Variants in CRB1 observed in about 807,000 individuals in gnomAD.
CRB1 encodes the protein crumbs cell polarity complex component 1.
CRB1 carries 83 observed loss-of-function variants against 120.0 expected under a neutral mutation model. That is an observed-to-expected ratio of 0.69 (90% CI 0.58 to 0.83). The LOEUF is 0.83. CRB1 is among the 40% of genes least tolerant of loss of function. CRB1 has a pLI of 0.00. For synonymous variants in CRB1, 625 were observed against 612.5 expected (o/e 1.02, Z -0.30); for missense variants, 1,699 against 1,687.6 (o/e 1.01, Z -0.12).
At chr1:197,295,282 G>A (rs946231725) in intron 1 of CRB1, among the ~76,000 whole-genome samples, 5 of 151,944 alleles carry the variant, frequency 3.3e-5, no homozygotes, top group African/African-American at 9.7e-5. Context: ...GTGCTGGATT[G>A]TGTCGTCAGG....
chr1:197,358,555 A>G (rs1342206221), intron 5 of CRB1, among the ~76,000 whole-genome samples: 1 of 152,216 alleles, frequency 6.6e-6, no homozygotes, highest in Non-Finnish European at 1.5e-5. Context: ...GGCTTAATGC[A>G]ATGGTTTATG....
chr1:197,466,360 A>G lies in CRB1; in HGVS notation c.4006-11304A>G, dbSNP rs373206542. 4.6e-5 allele frequency among the ~76,000 whole-genome samples: 7 copies of G among 152,316 alleles called. No homozygotes were observed. In the East Asian group the frequency reaches 9.7e-4, roughly 21 times the overall value. On this transcript the variant is annotated intron_variant, in intron 11 of 11. Transcript: ENST00000367400. ...AATTAAAGTACATGTGCTGCAAGTT[A>G]GGGGTTACTAGGGTATCTCATTATA...
intron 5 of CRB1, among the ~76,000 whole-genome samples, chr1:197,370,240 G>GA (rs56150133): frequency 1.3e-5 from 2 of 151,392 alleles, no homozygotes; most frequent in Admixed American, 6.6e-5. Flanking sequence ...ATAACACAAT[G>GA]AAAAAAAACC....
At chr1:197,231,521 T>G in the CRB1 span, among the ~76,000 whole-genome samples, 2 of 152,242 alleles carry the variant, frequency 1.3e-5, no homozygotes, top group African/African-American at 4.8e-5. Flanking sequence ...CAGGATTTGA[T>G]ACCCTGGCAA....
At chr1:197,401,985 A>G (rs1233880842) in intron 5 of CRB1, among the ~76,000 whole-genome samples, 1 of 151,724 alleles carries the variant, frequency 6.6e-6, no homozygotes, top group Non-Finnish European at 1.5e-5. Context: ...TAATATTTTT[A>G]TGTTTTCCTT....
chr1:197,242,586 T>G, the CRB1 span, among the ~76,000 whole-genome samples: 26 of 152,176 alleles, frequency 1.7e-4, no homozygotes, highest in Admixed American at 1.0e-3. Context: ...TGTCAGTATT[T>G]TATTGAGGAT....
chr1:197,312,475 A>G (rs771538564), intron 1 of CRB1, among the ~76,000 whole-genome samples: 5 of 152,212 alleles, frequency 3.3e-5, no homozygotes, highest in Non-Finnish European at 5.9e-5. Context: ...CCGAGCCATC[A>G]GGAGGCTGAG....
intron 5 of CRB1, among the ~76,000 whole-genome samples, chr1:197,412,263 G>A (rs1398686214): frequency 2.0e-5 from 3 of 152,138 alleles, no homozygotes; most frequent in Non-Finnish European, 4.4e-5. Flanking sequence ...ATTTATCCAA[G>A]TTCACTTATG....
At chr1:197,466,706 A>G (rs1281952769) in intron 11 of CRB1, among the ~76,000 whole-genome samples, 4 of 152,218 alleles carry the variant, frequency 2.6e-5, no homozygotes, top group African/African-American at 9.6e-5. Context: ...CCTCTGCTGA[A>G]GGGATATGTG....
chr1:197,453,371 A>T (rs1487269651), intron 11 of CRB1, among the ~76,000 whole-genome samples: 4 of 147,506 alleles, frequency 2.7e-5, no homozygotes, highest in Non-Finnish European at 6.0e-5. Flanking sequence ...TACATAATTA[A>T]ATTATATATA....
intron 1 of CRB1, among the ~76,000 whole-genome samples, chr1:197,305,232 G>C (rs1657094666): frequency 6.6e-6 from 1 of 151,986 alleles, no homozygotes; most frequent in East Asian, 1.9e-4. Flanking sequence ...AATAATTTAA[G>C]TTTCTTTCTA....
At chr1:197,453,576 GGAGA>G (rs71131760) in intron 11 of CRB1, among the ~76,000 whole-genome samples, 70 of 118,542 alleles carry the variant, frequency 5.9e-4, no homozygotes, top group African/African-American at 1.8e-3. Flanking sequence ...AGAGGGAGAG[GGAGA>G]GAGAGAGAGA....
At chr1:197,253,128 A>T in the CRB1 span, among the ~76,000 whole-genome samples, 61 of 152,144 alleles carry the variant, frequency 4.0e-4, no homozygotes, top group Non-Finnish European at 8.2e-4. Flanking sequence ...TGACATTTCC[A>T]TTCACAAAAT....
chr1:197,352,909 CT>C (rs1660188709), intron 4 of CRB1, among the ~76,000 whole-genome samples: 1 of 152,056 alleles, frequency 6.6e-6, no homozygotes. Context: ...AGTCAATTCC[CT>C]GGTTTATGTG....
At chr1:197,223,327 G>T in the CRB1 span, 3 of 594,468 alleles carry the variant, frequency 5.0e-6, no homozygotes, top group South Asian at 1.9e-5. Context: ...CATACATTGT[G>T]GTTTAAAGTA....
intron 1 of CRB1, among the ~76,000 whole-genome samples, chr1:197,286,865 A>G (rs1655855574): frequency 6.6e-6 from 1 of 151,894 alleles, no homozygotes; most frequent in Non-Finnish European, 1.5e-5. Context: ...TGGATATTTA[A>G]TTTGATTATT....
chr1:197,285,543 G>A (rs1427806266), intron 1 of CRB1, among the ~76,000 whole-genome samples: 1 of 151,886 alleles, frequency 6.6e-6, no homozygotes, highest in Non-Finnish European at 1.5e-5. Flanking sequence ...AGCTTAGGGA[G>A]TAGAATGGTA....
At chr1:197,474,570 C>T (rs114236750) in intron 11 of CRB1, among the ~76,000 whole-genome samples, 2,073 of 152,272 alleles carry the variant, frequency 0.014, 50 homozygotes, top group African/African-American at 0.047. Context: ...GGACCCACCC[C>T]CATGAGTCCT....
intron 1 of CRB1, among the ~76,000 whole-genome samples, chr1:197,290,301 T>A (rs1370095067): frequency 1.3e-5 from 2 of 151,098 alleles, no homozygotes; most frequent in Admixed American, 6.6e-5. Context: ...TGTGTGTGTG[T>A]GTGTTTGAAG....
Sources: allele counts gnomAD v4.1 joint callset (sites outside exome capture counted in the v4.1 genomes callset), GRCh38; gene constraint gnomAD v4.1.1; transcripts MANE v1.5; gene names NCBI Gene and HGNC (gene_info 2026-07-23, HGNC 2026-07-21).